GADL1: variants seen among roughly 807,000 people sequenced by gnomAD.
The protein encoded by GADL1 is acidic amino acid decarboxylase GADL1.
In GADL1, 71 loss-of-function variants were observed where a neutral mutation model predicts 69.5. That is an observed-to-expected ratio of 1.02 (90% CI 0.84 to 1.25). The LOEUF (loss-of-function observed/expected upper bound fraction) is 1.25. Among genes scored for constraint, GADL1 ranks in the 50% most tolerant of loss-of-function variants. The probability of loss-of-function intolerance (pLI) is 0.00; values close to 1 mark genes in which losing one functional copy is unlikely to be tolerated. For synonymous variants in GADL1, 254 were observed against 214.4 expected (o/e 1.18, Z -1.62); for missense variants, 737 against 631.8 (o/e 1.17, Z -1.79).
rs959179453 is a variant in GADL1 at position 30,830,877 on chromosome 3, A to G, written c.1050+2976T>C. Among the ~76,000 whole-genome samples the G allele has an allele frequency of 1.3e-5, 2 of 152,068 alleles. 1 individual carries two copies. ...TTCCTCCAGTGATCTTCATCTTCCT[A>G]AATGGAATCATTCGTTCAGTTGCTG... On this transcript the variant is annotated intron_variant, in intron 11 of 14. Coordinates refer to ENST00000282538, the MANE Select transcript of GADL1 (RefSeq NM_207359.3).
intron 14 of GADL1, among the ~76,000 whole-genome samples, chr3:30,762,991 C>T (rs1696178798): frequency 6.6e-6 from 1 of 152,162 alleles, no homozygotes; most frequent in South Asian, 2.1e-4. Flanking sequence ...ACTTAGGTTG[C>T]TCCCAAATCT....
At chr3:30,820,236 G>C (rs1697547618) in intron 11 of GADL1, among the ~76,000 whole-genome samples, 2 of 151,690 alleles carry the variant, frequency 1.3e-5, no homozygotes, top group South Asian at 4.2e-4. Context: ...TAATAGAAAG[G>C]TATGTGGTAA....
intron 3 of GADL1, 108 bp from the exon 4 acceptor site, chr3:30,854,897 G>T (rs1259416893): frequency 1.5e-6 from 1 of 645,316 alleles, no homozygotes; most frequent in Non-Finnish European, 2.7e-6. Context: ...GACACACACA[G>T]AAGAGTTATA....
chr3:30,753,865 TTTTG>T (rs767581965), intron 14 of GADL1, among the ~76,000 whole-genome samples: 32 of 152,216 alleles, frequency 2.1e-4, no homozygotes, highest in Non-Finnish European at 3.8e-4. Flanking sequence ...CTCACTCAAC[TTTTG>T]TTTTAGTGGA....
intron 1 of GADL1, among the ~76,000 whole-genome samples, chr3:30,876,386 CTGAT>C (rs1698576577): frequency 6.6e-6 from 1 of 151,254 alleles, no homozygotes; most frequent in Non-Finnish European, 1.5e-5. Flanking sequence ...AGAAAAGGCT[CTGAT>C]TGGTAGCATT....
chr3:30,838,791 C>G (rs1201135145), intron 9 of GADL1, among the ~76,000 whole-genome samples: 3 of 152,096 alleles, frequency 2.0e-5, no homozygotes, highest in Non-Finnish European at 4.4e-5. Context: ...AAATGGAATC[C>G]AGAAAGCTAA....
chr3:30,763,519 G>A (rs1456727192), intron 14 of GADL1, among the ~76,000 whole-genome samples: 1 of 117,024 alleles, frequency 8.5e-6, no homozygotes, highest in African/African-American at 3.4e-5. Context: ...GGGGGTGGGG[G>A]TGGGGGGGAA....
intron 14 of GADL1, among the ~76,000 whole-genome samples, chr3:30,752,802 C>T (rs6799545): frequency 0.098 from 14,173 of 145,042 alleles, 1,834 homozygotes; most frequent in African/African-American, 0.32. Context: ...TTAAAACAAT[C>T]TAGGCTGCTG....
rs371022289 is a variant in GADL1, at chr3:30,739,747, G to A, written c.1393-11332C>T. 3.9e-5 allele frequency among the ~76,000 whole-genome samples: 6 copies of A among 152,244 alleles called. No individual in the cohort carries two copies. The East Asian group carries it at 5.8e-4, about 15-fold the overall frequency. On this transcript the variant is annotated intron_variant, in intron 14 of 14. Coordinates refer to ENST00000282538, the MANE Select transcript of GADL1 (RefSeq NM_207359.3). ...TCGCTGAATCAAAGAAAGCTACCAT[G>A]AGGATACTTTAAAATAATTCTTATT...
intron 5 of GADL1, among the ~76,000 whole-genome samples, 184 bp from the exon 6 acceptor site, chr3:30,850,295 C>A (rs1208780748): frequency 6.6e-6 from 1 of 152,140 alleles, no homozygotes; most frequent in Non-Finnish European, 1.5e-5. Context: ...ATACCCTAAT[C>A]TCTAATTCTA....
At chr3:30,738,871 T>C (rs548074246) in intron 14 of GADL1, among the ~76,000 whole-genome samples, 1 of 152,322 alleles carries the variant, frequency 6.6e-6, no homozygotes, top group South Asian at 2.1e-4. Flanking sequence ...ATGAAAATTA[T>C]GATTCATTTT....
intron 14 of GADL1, among the ~76,000 whole-genome samples, chr3:30,734,107 T>C (rs1343150072): frequency 6.6e-6 from 1 of 152,216 alleles, no homozygotes; most frequent in African/African-American, 2.4e-5. Flanking sequence ...TTATTTGCTT[T>C]ATTAATTTTT....
intron 1 of GADL1, among the ~76,000 whole-genome samples, chr3:30,887,229 G>T (rs564499402): frequency 1.3e-5 from 2 of 152,260 alleles, no homozygotes; most frequent in African/African-American, 4.8e-5. Flanking sequence ...ACAAACTGGA[G>T]TTAAAAAGAA....
chr3:30,826,438 GA>G (rs1697682416), intron 11 of GADL1, among the ~76,000 whole-genome samples: 1 of 151,514 alleles, frequency 6.6e-6, no homozygotes, highest in Non-Finnish European at 1.5e-5. Context: ...GCATTAGAGA[GA>G]TATCTACACC....
chr3:30,822,877 G>A (rs1234046445), intron 11 of GADL1, among the ~76,000 whole-genome samples: 1 of 151,980 alleles, frequency 6.6e-6, no homozygotes, highest in African/African-American at 2.4e-5. Flanking sequence ...AGGGTAGGGA[G>A]CATGTCTTAT....
intron 14 of GADL1, among the ~76,000 whole-genome samples, chr3:30,777,088 A>C (rs910950996): frequency 3.9e-5 from 6 of 152,128 alleles, no homozygotes; most frequent in Non-Finnish European, 4.4e-5. Context: ...GTCTCTAGGA[A>C]TATTGAGTTT....
chr3:30,782,838 T>C (rs942351285), intron 13 of GADL1, among the ~76,000 whole-genome samples: 2 of 152,158 alleles, frequency 1.3e-5, no homozygotes, highest in African/African-American at 4.8e-5. Flanking sequence ...GATGGAGTGA[T>C]GAATGGGTAA....
chr3:30,741,368 C>CA, intron 14 of GADL1, among the ~76,000 whole-genome samples: 1 of 151,960 alleles, frequency 6.6e-6, no homozygotes, highest in Admixed American at 6.6e-5. Flanking sequence ...TACACTCCTA[C>CA]ATCCCCACAT....
At chr3:30,792,496 G>A (rs1009573190) in intron 12 of GADL1, among the ~76,000 whole-genome samples, 1 of 152,142 alleles carries the variant, frequency 6.6e-6, no homozygotes, top group Non-Finnish European at 1.5e-5. Flanking sequence ...AGGATCACTT[G>A]AGCCTGGGAG....
Sources: allele counts gnomAD v4.1 joint callset (sites outside exome capture counted in the v4.1 genomes callset), GRCh38; gene constraint gnomAD v4.1.1; transcripts MANE v1.5; gene names NCBI Gene and HGNC (gene_info 2026-07-23, HGNC 2026-07-21).